Variants in PSMD13 observed in about 807,000 individuals in gnomAD.
The protein encoded by PSMD13 is proteasome 26S subunit, non-ATPase 13, also known as 26S proteasome non-ATPase regulatory subunit 13.
In PSMD13, 8 loss-of-function variants were observed where a neutral mutation model predicts 57.4. That is an observed-to-expected ratio of 0.14 (90% confidence interval 0.08 to 0.25). The LOEUF is 0.25. Ranked by LOEUF, PSMD13 falls within the 10% of genes least tolerant of loss-of-function variation. The pLI is 1.00. For synonymous variants in PSMD13, 193 were observed against 168.2 expected, an observed-to-expected ratio of 1.15 and a Z score of -1.14; for missense variants, 400 against 461.5, an observed-to-expected ratio of 0.87 and a Z score of 1.22.
At position 248,972 on chromosome 11, in the gene PSMD13, G is replaced by A. The variant is rs141198412; in HGVS notation, c.689G>A (p.Arg230Gln). The part of the protein sequence containing the change: ...PVLESLRNTD[R>Q]QWLIDTLYAF... ...CTGGAGTCCCTGAGGAATACTGACCGGCAGTGGCTGATTGACACCCTCTAT... is the reference window on the plus strand; with the variant it reads ...CTGGAGTCCCTGAGGAATACTGACCAGCAGTGGCTGATTGACACCCTCTAT... The change falls in exon 9 of 13, where the codon CGG becomes CAG. Residue 230 changes from arginine (R) to glutamine (Q), a missense_variant. Arg to Gln is a conservative substitution (Grantham distance 43). Coordinates refer to ENST00000532097, the MANE Select transcript of PSMD13 (RefSeq NM_002817.4). 211 of 1,613,988 alleles carry A rather than the reference G, an allele frequency of 1.3e-4. No individual in the cohort carries two copies. Among genetic ancestry groups the A allele is most frequent in the Admixed American group, 1.7e-4 (10 of 59,996 alleles).
Position 251,966 on chromosome 11 carries a change from C to A in PSMD13, c.1035+30C>A. Reference sequence around the variant, plus strand: ...TGTGTTTGAAACCCATTATTCACCTCTGTGGATTTTGAGGGGTTGTGTCTA... The same window carrying A: ...TGTGTTTGAAACCCATTATTCACCTATGTGGATTTTGAGGGGTTGTGTCTA... On this transcript the variant is annotated intron_variant, in intron 12 of 12. Transcript: ENST00000532097. This position sits in a 1 kb window ranked among gnomAD's most constrained non-coding sequence, Gnocchi z 4.6. 6.3e-7 allele frequency: 1 copy of A among 1,584,710 alleles called. No homozygotes were observed. Among genetic ancestry groups the A allele is most frequent in the Non-Finnish European group, 8.7e-7 (1 of 1,155,112 alleles).
Position 237,173 on chromosome 11 carries a change from C to A in PSMD13, c.95+29C>A, listed in dbSNP as rs774605843. On this transcript the variant is annotated intron_variant, in intron 1 of 12. Coordinates refer to ENST00000532097, the MANE Select transcript of PSMD13 (RefSeq NM_002817.4). ...AGCGCCGAGCAGACGGGCCCTGGGC[C>A]CCGGCGATAGAGGGAGACGGAGGGG... 7.5e-6 allele frequency: 12 copies of A among 1,589,454 alleles called. No individual in the cohort carries two copies. The Admixed American group carries it at 2.1e-4, about 28-fold the overall frequency.
At chr11:237,172 C>G (rs768905329) in intron 1 of PSMD13, 28 bp downstream of exon 1, 3 of 1,589,874 alleles carry the variant, frequency 1.9e-6, no homozygotes, top group Admixed American at 3.5e-5. Flanking sequence ...GGGCCCTGGG[C>G]CCCGGCGATA....
chr11:249,946 C>T (rs906430540), intron 9 of PSMD13, among the ~76,000 whole-genome samples: 2 of 151,844 alleles, frequency 1.3e-5, no homozygotes, highest in Non-Finnish European at 2.9e-5. Flanking sequence ...AGCACAGATG[C>T]AGCCAGACCT....
chr11:245,641 C>CTTGT (rs1425839838), intron 6 of PSMD13, among the ~76,000 whole-genome samples: 1 of 122,348 alleles, frequency 8.2e-6, no homozygotes, highest in Non-Finnish European at 1.7e-5. Flanking sequence ...TGAACCAGAA[C>CTTGT]GTGTGTGTGT....
chr11:239,054 C>T lies in PSMD13; in HGVS notation c.152C>T (p.Ala51Val). ...VLDFVQDPCF[A>V]QGDGLIKLYE... ...GATTTTGTGCAGGATCCGTGCTTTG[C>T]CCAAGGAGATGGTCTCATTAAGGTA... is the stretch of plus-strand genomic sequence containing the variant. Residue 51 changes from alanine to valine, a missense_variant, in exon 2 of 13, where the codon GCC (alanine) becomes GTC (valine). Coordinates refer to ENST00000532097, the MANE Select transcript of PSMD13 (RefSeq NM_002817.4). 6.2e-7 allele frequency: 1 copy of T among 1,614,004 alleles called. No homozygotes were observed. The highest frequency in any genetic ancestry group is 8.5e-7 in the Non-Finnish European group (1 of 1,179,924).
At position 237,058 on chromosome 11, in the gene PSMD13, C is replaced by G. The variant is rs532287958; in HGVS notation, c.9C>G (p.Asp3Glu). 1.9e-6 allele frequency: 3 copies of G among 1,613,534 alleles called. No individual in the cohort carries two copies. The South Asian group carries it at 3.3e-5, about 18-fold the overall frequency. Reference protein sequence around the residue: MKDVPGFLQQSQN... With the variant: MKEVPGFLQQSQN... Reference sequence around the variant, plus strand: ...GGGGTCTTCCTGCTGTCATGAAGGACGTACCGGGCTTCCTACAGCAGAGCC... The same window carrying G: ...GGGGTCTTCCTGCTGTCATGAAGGAGGTACCGGGCTTCCTACAGCAGAGCC... The change falls in exon 1 of 13, where the codon GAC (aspartate) becomes GAG (glutamate). Residue 3 changes from aspartate (D) to glutamate (E), a missense_variant. By Grantham distance (45) the Asp-to-Glu change is conservative. Coordinates refer to ENST00000532097, the MANE Select transcript of PSMD13 (RefSeq NM_002817.4).
At position 249,035 on chromosome 11, in the gene PSMD13, T is replaced by A; in HGVS notation, c.752T>A (p.Leu251Gln). 6.2e-7 allele frequency: 1 copy of A among 1,613,346 alleles called. No homozygotes were observed. Among genetic ancestry groups the A allele is most frequent in the East Asian group, 2.2e-5 (1 of 44,886 alleles). Residue 251 changes from leucine (L) to glutamine (Q), a missense_variant, in exon 9 of 13, where the codon CTG becomes CAG. Coordinates refer to ENST00000532097, the MANE Select transcript of PSMD13 (RefSeq NM_002817.4). ...GGCAACGTAGAGCGGTTCCAGACTC[T>A]GAAGACTGCCTGGGGCCAGCAGGTA... ...NSGNVERFQT[L>Q]KTAWGQQPDL... is the part of the protein sequence containing the mutation.
intron 6 of PSMD13, 53 bp from the exon 7 acceptor site, chr11:247,224 A>G (rs1333594516): frequency 3.5e-5 from 54 of 1,541,284 alleles, no homozygotes; most frequent in Middle Eastern, 1.7e-4. Flanking sequence ...CTCTAAAAAA[A>G]TAAAATAAAC....
chr11:243,947 T>C, intron 2 of PSMD13, 94 bp from the exon 3 acceptor site: 1 of 1,302,038 alleles, frequency 7.7e-7, no homozygotes, highest in Admixed American at 2.1e-5. Flanking sequence ...TTGATAGCAT[T>C]GATGCAGCTT....
chr11:237,255 G>C (rs1009781744), intron 1 of PSMD13, 111 bp downstream of exon 1: 5 of 973,740 alleles, frequency 5.1e-6, no homozygotes, highest in Non-Finnish European at 6.0e-6. Flanking sequence ...ACCCAAGTTG[G>C]GGGGAAACGG....
chr11:248,617 G>C, intron 7 of PSMD13, 159 bp from the exon 8 acceptor site: 1 of 690,932 alleles, frequency 1.4e-6, no homozygotes, highest in Non-Finnish European at 2.5e-6. Flanking sequence ...TATAATCTAA[G>C]TCAACCCAAT....
At chr11:249,079 G>C in intron 9 of PSMD13, 22 bp downstream of exon 9, 2 of 1,608,278 alleles carry the variant, frequency 1.2e-6, no homozygotes, top group Non-Finnish European at 1.7e-6. Flanking sequence ...ACGATGCCCA[G>C]CCCTTATTCC....
Position 252,539 on chromosome 11 carries a change from G to T in PSMD13, c.1070G>T (p.Cys357Phe), listed in dbSNP as rs778600001. 1 of 1,614,106 alleles carries T rather than the reference G, an allele frequency of 6.2e-7. No individual in the cohort carries two copies. Among genetic ancestry groups the T allele is most frequent in the Non-Finnish European group, 8.5e-7 (1 of 1,179,956 alleles). Residue 357 changes from cysteine to phenylalanine, a missense_variant, in exon 13 of 13, where the codon TGC (cysteine) becomes TTC (phenylalanine). By Grantham distance (205) the Cys-to-Phe change is radical. Transcript: ENST00000532097. This position sits in a 1 kb window ranked among gnomAD's most constrained non-coding sequence, Gnocchi z 4.1. ...ATGAAGGACCGCCTGGAGTTCTGGTGCACGGATGTGAAGAGCATGGAGATG... is the reference window on the plus strand; with the variant it reads ...ATGAAGGACCGCCTGGAGTTCTGGTTCACGGATGTGAAGAGCATGGAGATG... ...KGMKDRLEFW[C>F]TDVKSMEMLV...
At chr11:243,151 C>T in intron 2 of PSMD13, 1 of 619,810 alleles carries the variant, frequency 1.6e-6, no homozygotes, top group East Asian at 3.1e-5. Context: ...AGACTTTGGT[C>T]ACCACCTCCT....
chr11:245,726 TTGTGTG>T (rs1216426415), intron 6 of PSMD13, among the ~76,000 whole-genome samples: 1 of 83,416 alleles, frequency 1.2e-5, no homozygotes, highest in Admixed American at 1.2e-4. Context: ...GTGTGTGTGT[TTGTGTG>T]TGTGTGTGTT....
intron 1 of PSMD13, 21 bp downstream of exon 1, chr11:237,165 C>T: frequency 1.3e-6 from 2 of 1,596,140 alleles, no homozygotes; most frequent in East Asian, 2.3e-5. Flanking sequence ...AGCAGACGGG[C>T]CCTGGGCCCC....
rs1859773062 is a variant in PSMD13, at chr11:251,952, C to T, written c.1035+16C>T. 6.2e-7 allele frequency: 1 copy of T among 1,603,960 alleles called. No homozygotes were observed. On this transcript the variant is annotated intron_variant, in intron 12 of 12. Coordinates refer to ENST00000532097, the MANE Select transcript of PSMD13 (RefSeq NM_002817.4). This position sits in a 1 kb window ranked among gnomAD's most constrained non-coding sequence, Gnocchi z 4.6. ...TTTGCAACAGGTGATGTGTTTGAAA[C>T]CCATTATTCACCTCTGTGGATTTTG... is the stretch of plus-strand genomic sequence containing the variant.
At chr11:246,895 T>C (rs1859659151) in intron 6 of PSMD13, among the ~76,000 whole-genome samples, 2 of 152,256 alleles carry the variant, frequency 1.3e-5, no homozygotes, top group Admixed American at 1.3e-4. Flanking sequence ...GTCTCCTGAC[T>C]CATTTGTAAG....
Sources: gnomAD v4.1 joint callset for allele counts (sites outside exome capture counted in the v4.1 genomes callset) on GRCh38, gnomAD v4.1.1 for gene constraint, Gnocchi (gnomAD v3.1) non-coding constraint, MANE v1.5 for transcripts, NCBI Gene and HGNC (gene_info 2026-07-23, HGNC 2026-07-21) for gene names.